DBNDD2: variants seen among roughly 807,000 people sequenced by gnomAD.
The protein encoded by DBNDD2 is dysbindin domain-containing protein 2.
A neutral mutation model predicts 14.0 loss-of-function variants in DBNDD2; 8 were observed. That is an observed-to-expected ratio of 0.57 (90% CI 0.33 to 1.03). The LOEUF is 1.03. Ranked by LOEUF, DBNDD2 falls within the 50% of genes least tolerant of loss-of-function variation. The pLI, the probability that DBNDD2 is intolerant of heterozygous loss-of-function variation, is 0.03. For missense variants in DBNDD2, 194 were observed against 206.0 expected (o/e 0.94, Z 0.36); for synonymous variants, 94 against 85.3 (o/e 1.10, Z -0.56).
rs200146430 is a variant in DBNDD2 at position 45,408,787 on chromosome 20, T to A, written c.140-14T>A. ...GCTTGGGTCCTCCTGACTTGCCCACTTCTTGATCCGCAGCCCCCATAGGTA... is the reference window on the plus strand; with the variant it reads ...GCTTGGGTCCTCCTGACTTGCCCACATCTTGATCCGCAGCCCCCATAGGTA... On this transcript the variant is annotated splice_polypyrimidine_tract_variant and intron_variant, in intron 1 of 2. Transcript: ENST00000372710. 3.1e-6 allele frequency: 5 copies of A among 1,613,346 alleles called. No homozygotes were observed. The African/African-American group carries it at 4.0e-5, about 13-fold the overall frequency.
At chr20:45,406,252 T>C, upstream of DBNDD2, 3 of 542,454 alleles carry the variant, frequency 5.5e-6, no homozygotes, top group Non-Finnish European at 9.8e-6. Context: ...GAGGCAGGGT[T>C]CGGGTGCGTA....
upstream of DBNDD2, chr20:45,407,488 C>T (rs1371912591): frequency 5.1e-6 from 5 of 985,890 alleles, no homozygotes; most frequent in Non-Finnish European, 6.0e-6. Flanking sequence ...GGGCTCAGAG[C>T]AGAACGCCGG....
upstream of DBNDD2, chr20:45,407,500 A>G (rs1395247577): frequency 1.0e-6 from 1 of 985,658 alleles, no homozygotes; most frequent in African/African-American, 1.7e-5. Context: ...GAACGCCGGG[A>G]AGGAGATGAG....
At chr20:45,406,794 C>T, upstream of DBNDD2, 1 of 1,247,428 alleles carries the variant, frequency 8.0e-7, no homozygotes, top group Non-Finnish European at 1.0e-6. Flanking sequence ...GACCGGAGCA[C>T]GAGGGGAACG....
upstream of DBNDD2, chr20:45,407,246 C>CG: frequency 1.1e-6 from 1 of 907,114 alleles, no homozygotes; most frequent in African/African-American, 1.8e-5. Context: ...GAGCCTTTCC[C>CG]GGGAATCGGC....
chr20:45,406,549 C>A (rs1391420220), upstream of DBNDD2: 2 of 1,512,156 alleles, frequency 1.3e-6, no homozygotes, highest in African/African-American at 2.9e-5. Flanking sequence ...CGAGTGAGCC[C>A]GCCACCGCCC....
At chr20:45,406,095 G>A (rs1032608169), upstream of DBNDD2, 35 of 211,130 alleles carry the variant, frequency 1.7e-4, no homozygotes, top group East Asian at 3.8e-3. Context: ...CAGGGCAGGG[G>A]TCCTCCGCCG....
At chr20:45,406,132 C>A, upstream of DBNDD2, 1 of 290,800 alleles carries the variant, frequency 3.4e-6, no homozygotes, top group Non-Finnish European at 6.4e-6. Flanking sequence ...CTGGGCGGCA[C>A]CGGGTCAGTG....
At chr20:45,406,428 T>A (rs1989383261), upstream of DBNDD2, 1 of 1,517,306 alleles carries the variant, frequency 6.6e-7, no homozygotes, top group African/African-American at 1.5e-5. Context: ...TGCAGAGGAG[T>A]CCGGCTGGGC....
rs896348704 is a variant in DBNDD2 at position 45,408,488 on chromosome 20, C to T, written c.21C>T (p.Ala7=). The stretch of plus-strand genomic sequence containing the variant: ...CTGACATGGACCCAAATCCTCGGGC[C>T]GCCCTGGAGCGCCAGCAGCTCCGCC... MDPNPR[A]ALERQQLRLR... Residue 7 remains alanine (A), a synonymous_variant, in exon 1 of 3, where the codon GCC becomes GCT. Coordinates refer to ENST00000372710, the MANE Select transcript of DBNDD2 (RefSeq NM_001048225.4). 4.3e-6 allele frequency: 7 copies of T among 1,614,134 alleles called. No homozygotes were observed. Among genetic ancestry groups the T allele is most frequent in the African/African-American group, 1.3e-5 (1 of 74,940 alleles).
upstream of DBNDD2, chr20:45,406,852 C>G: frequency 8.4e-7 from 1 of 1,192,344 alleles, no homozygotes; most frequent in South Asian, 3.9e-5. Flanking sequence ...GCCTCGTGTC[C>G]CTTTTTAGGG....
Position 45,408,869 on chromosome 20 carries a change from C to T in DBNDD2, c.208C>T (p.Leu70Phe). The change falls in exon 2 of 3, where the codon CTT becomes TTT. Residue 70 changes from leucine to phenylalanine, a missense_variant. Leu to Phe is a conservative substitution (Grantham distance 22). Transcript: ENST00000372710. Reference sequence around the variant, plus strand: ...ACTGGAGCAAGTAGAACTTATTGACCTTGGGGACCCGGATGCAGCAGATGT... The same window carrying T: ...ACTGGAGCAAGTAGAACTTATTGACTTTGGGGACCCGGATGCAGCAGATGT... ...DTLEQVELID[L>F]GDPDAADVFL... 1.2e-6 allele frequency: 2 copies of T among 1,614,204 alleles called. No homozygotes were observed. Among genetic ancestry groups the T allele is most frequent in the Non-Finnish European group, 1.7e-6 (2 of 1,180,038 alleles).
chr20:45,406,768 G>A, upstream of DBNDD2: 1 of 1,264,134 alleles, frequency 7.9e-7, no homozygotes, highest in Non-Finnish European at 9.9e-7. Context: ...CAGGTGCCGC[G>A]GTGGACCGCG....
At chr20:45,408,083 CG>C, upstream of DBNDD2, 1 of 1,474,412 alleles carries the variant, frequency 6.8e-7, no homozygotes, top group East Asian at 2.5e-5. Flanking sequence ...CTGAGGCAAG[CG>C]GGGCCAATTA....
chr20:45,409,101 G>A, intron 2 of DBNDD2, 163 bp downstream of exon 2: 1 of 1,410,712 alleles, frequency 7.1e-7, no homozygotes. Context: ...TAGGGAAGTT[G>A]ACCCTGAGGG....
rs1403112977 is a variant in DBNDD2, at chr20:45,410,176, T to C, written c.*36T>C. On this transcript the variant is annotated 3_prime_UTR_variant, in exon 3 of 3. Transcript: ENST00000372710. ...CTGCCTACAGACTGACCACGCTGGC[T>C]ATTCTCCACATGAGACCACAGGCCC... is the stretch of plus-strand genomic sequence containing the variant. 2.6e-6 allele frequency: 4 copies of C among 1,550,026 alleles called. No individual in the cohort carries two copies. The African/African-American group carries it at 5.5e-5, about 21-fold the overall frequency.
chr20:45,406,723 A>C (rs1989423865), upstream of DBNDD2: 15 of 1,285,892 alleles, frequency 1.2e-5, no homozygotes, highest in Non-Finnish European at 1.5e-5. Flanking sequence ...AGGGGGCGCC[A>C]GCGCTGCAGG....
chr20:45,406,606 G>A (rs889208005), upstream of DBNDD2: 5 of 1,433,454 alleles, frequency 3.5e-6, no homozygotes, highest in African/African-American at 6.0e-5. Context: ...CGGCTCCCAG[G>A]GCCCGTCGGT....
Position 45,408,608 on chromosome 20 carries a change from T to TAAGTCCC in DBNDD2, c.139+9_139+15dup. On this transcript the variant is annotated splice_region_variant and intron_variant, in intron 1 of 2. Coordinates refer to ENST00000372710, the MANE Select transcript of DBNDD2 (RefSeq NM_001048225.4). ...ATCTGCATCTCGAGTCGCAGAGACG[T>TAAGTCCC]AAGTCCCAAGTCCTGAGAAGAGGGA... 3 of 1,612,378 alleles carry TAAGTCCC rather than the reference T, an allele frequency of 1.9e-6. No homozygotes were observed. Among genetic ancestry groups the TAAGTCCC allele is most frequent in the Non-Finnish European group, 2.5e-6 (3 of 1,178,654 alleles).
Sources: allele counts gnomAD v4.1 joint callset, GRCh38; gene constraint gnomAD v4.1.1; transcripts MANE v1.5; gene names NCBI Gene and HGNC (gene_info 2026-07-23, HGNC 2026-07-21).